MANBA: variants seen among roughly 807,000 people sequenced by gnomAD.
MANBA encodes mannosidase beta.
In MANBA, 83 loss-of-function variants were observed where a neutral mutation model predicts 111.1. The observed-to-expected ratio is 0.75, with a 90% CI of 0.63 to 0.90. The LOEUF (loss-of-function observed/expected upper bound fraction) is 0.90. Ranked by LOEUF, MANBA falls within the 40% of genes least tolerant of loss-of-function variation. The pLI is 0.00. For missense variants in MANBA, 1,036 were observed against 1,069.0 expected (o/e 0.97, Z 0.43); for synonymous variants, 370 against 378.7 (o/e 0.98, Z 0.27).
rs528325325 is a variant in MANBA at position 102,639,314 on chromosome 4, G to C, written c.2014+399C>G. The stretch of plus-strand genomic sequence containing the variant: ...AAGGGAAACTTTAACACATAAGCGG[G>C]CCAAACTTCTACCTGATTGAATTCT... On this transcript the variant is annotated intron_variant, in intron 14 of 16. Transcript: ENST00000647097. Among the ~76,000 whole-genome samples, 175 of 152,264 alleles carry C rather than the reference G, an allele frequency of 1.1e-3. 2 individuals carry two copies. In the South Asian group the frequency reaches 0.019, roughly 16 times the overall value.
At chr4:102,728,582 G>T in intron 1 of MANBA, 6 of 424,776 alleles carry the variant, frequency 1.4e-5, no homozygotes, top group Non-Finnish European at 1.7e-5. Context: ...GAATTGTTTT[G>T]TAGCTGAAGG....
At chr4:102,692,201 T>A (rs1251568940) in intron 5 of MANBA, among the ~76,000 whole-genome samples, 1 of 152,086 alleles carries the variant, frequency 6.6e-6, no homozygotes, top group African/African-American at 2.4e-5. Context: ...ATATAAAATC[T>A]CTCTGTGTAC....
At chr4:102,758,481 C>T (rs959435484) in intron 1 of MANBA, among the ~76,000 whole-genome samples, 15 of 151,898 alleles carry the variant, frequency 9.9e-5, no homozygotes, top group African/African-American at 1.7e-4. Flanking sequence ...TAAAGCAGGT[C>T]GGACAACAGT....
At chr4:102,685,411 T>C (rs1042443989) in intron 7 of MANBA, among the ~76,000 whole-genome samples, 2 of 152,314 alleles carry the variant, frequency 1.3e-5, no homozygotes, top group African/African-American at 4.8e-5. Context: ...GCCAGTCTTA[T>C]AGAAAGAAAA....
At chr4:102,739,417 A>C (rs1202666758) in intron 1 of MANBA, among the ~76,000 whole-genome samples, 1 of 152,198 alleles carries the variant, frequency 6.6e-6, no homozygotes, top group Admixed American at 6.5e-5. Context: ...ATACTCCAAA[A>C]AATAGAGAAA....
In MANBA at chr4:102,760,925, A is replaced by C. The variant is rs1488029517; in HGVS notation, c.-31T>G. 1 of 1,542,938 alleles carries C rather than the reference A, an allele frequency of 6.5e-7. No homozygotes were observed. On this transcript the variant is annotated 5_prime_UTR_variant, in exon 1 of 17. Transcript: ENST00000647097. ...GATCCCGCGCCACCGAGATGTGGAG[A>C]GATCGAAAGGCAGCGCTGCAAGGGA...
chr4:102,635,866 C>T lies in MANBA; in HGVS notation c.2156G>A (p.Ser719Asn), dbSNP rs1396742069. Residue 719 changes from serine (S) to asparagine (N), a missense_variant and splice_region_variant, in exon 15 of 17, where the codon AGT (serine) becomes AAT (asparagine). Physicochemically the swap from Ser to Asn is conservative, Grantham distance 46 (BLOSUM62 1). Coordinates refer to ENST00000647097, the MANE Select transcript of MANBA (RefSeq NM_005908.4). ...TAGAAAACAATCCAAGTAACTTACA[C>T]TGAGTGTCATCGAATAATCCGAGTG... The part of the protein sequence containing the change: ...DLHSDYSMTL[S>N]VRVHTWSSLE... 6.2e-7 allele frequency: 1 copy of T among 1,611,492 alleles called. No homozygotes were observed. Among genetic ancestry groups the T allele is most frequent in the African/African-American group, 1.3e-5 (1 of 74,972 alleles).
At chr4:102,726,837 A>T (rs1427899140) in intron 1 of MANBA, among the ~76,000 whole-genome samples, 154 bp from the exon 2 acceptor site, 2 of 152,258 alleles carry the variant, frequency 1.3e-5, no homozygotes, top group African/African-American at 4.8e-5. Flanking sequence ...CAGATCGTTA[A>T]TACTGAAAAA....
intron 1 of MANBA, among the ~76,000 whole-genome samples, chr4:102,759,477 A>G (rs542358235): frequency 2.6e-5 from 4 of 152,284 alleles, no homozygotes; most frequent in Non-Finnish European, 5.9e-5. Flanking sequence ...ATAAAGTACT[A>G]AAGTTTGGGA....
chr4:102,687,009 C>A (rs1425317034), intron 7 of MANBA, among the ~76,000 whole-genome samples: 2 of 152,152 alleles, frequency 1.3e-5, no homozygotes, highest in Non-Finnish European at 2.9e-5. Context: ...CAAAACACAT[C>A]TAACACTGAA....
chr4:102,632,262 C>T lies in MANBA; in HGVS notation c.2435G>A (p.Gly812Asp). The T allele has an allele frequency of 6.2e-7, 1 of 1,611,208 alleles. No individual in the cohort carries two copies. The change falls in exon 17 of 17, where the codon GGT becomes GAT. Residue 812 changes from glycine (G) to aspartate (D), a missense_variant. Gly to Asp is a moderately conservative substitution (Grantham distance 94). Transcript: ENST00000647097. The stretch of plus-strand genomic sequence containing the variant: ...CTCCAGGTCAAAAACAAATATGTCA[C>T]CTTGCTGAGAGATGATGGCCTGAAA... ...AQITAIISQQ[G>D]DIFVFDLETS...
chr4:102,728,432 A>G, intron 1 of MANBA: 2 of 464,736 alleles, frequency 4.3e-6, no homozygotes. Flanking sequence ...GAGTTTTTGG[A>G]TGCAGATTGA....
intron 1 of MANBA, among the ~76,000 whole-genome samples, chr4:102,746,425 T>C (rs1723588599): frequency 6.6e-6 from 1 of 152,202 alleles, no homozygotes; most frequent in Non-Finnish European, 1.5e-5. Flanking sequence ...GGCTCAGTAC[T>C]ACTTCTGAAG....
chr4:102,635,828 T>C (rs755109053), intron 15 of MANBA, 37 bp downstream of exon 15: 1 of 1,584,064 alleles, frequency 6.3e-7, no homozygotes. Context: ...CATCTAAAAG[T>C]CTCCTTCGAT....
Position 102,724,525 on chromosome 4 carries a change from C to T in MANBA, c.273-558G>A, listed in dbSNP as rs116652968. Among the ~76,000 whole-genome samples, 993 of 141,096 alleles carry T rather than the reference C, an allele frequency of 7.0e-3. 10 individuals carry two copies. Among genetic ancestry groups the T allele is most frequent in the African/African-American group, 0.025 (927 of 36,862 alleles). 92.6% of individuals were successfully genotyped at this position (141,096 alleles called of 152,430 possible). On this transcript the variant is annotated intron_variant, in intron 2 of 16. Transcript: ENST00000647097. ...AGTGAGTGGATATCCCACCACTGCA[C>T]TTGCAAGATTCCGTCTCAAAAAAAA...
At chr4:102,701,293 T>C (rs865827835) in intron 5 of MANBA, among the ~76,000 whole-genome samples, 4,861 of 151,988 alleles carry the variant, frequency 0.032, 250 homozygotes, top group African/African-American at 0.11. Flanking sequence ...AGCACACTGA[T>C]GGGTCTTGAC....
chr4:102,646,780 G>A (rs1730123209), intron 13 of MANBA, among the ~76,000 whole-genome samples: 1 of 152,062 alleles, frequency 6.6e-6, no homozygotes, highest in African/African-American at 2.4e-5. Flanking sequence ...AGGGCAAGAG[G>A]GAGAGTAAAA....
At chr4:102,722,101 G>A (rs1477009860) in intron 4 of MANBA, among the ~76,000 whole-genome samples, 2 of 151,244 alleles carry the variant, frequency 1.3e-5, no homozygotes, top group Non-Finnish European at 2.9e-5. Flanking sequence ...CTGGGGAGAA[G>A]GAAATGGAGA....
chr4:102,650,845 T>C (rs1407056476), intron 12 of MANBA, 144 bp from the exon 13 acceptor site: 1 of 685,356 alleles, frequency 1.5e-6, no homozygotes, highest in African/African-American at 1.8e-5. Context: ...CATAAATGTT[T>C]TACCATCCTA....
Sources: gnomAD v4.1 joint callset for allele counts (sites outside exome capture counted in the v4.1 genomes callset) on GRCh38, gnomAD v4.1.1 for gene constraint, MANE v1.5 for transcripts, NCBI Gene and HGNC (gene_info 2026-07-23, HGNC 2026-07-21) for gene names.